The following ACSF3 variants were observed in gnomAD, a reference collection of about 807,000 sequenced individuals.
The protein encoded by ACSF3 is acyl-CoA synthetase family member 3, also known as malonate--CoA ligase ACSF3, mitochondrial.
A neutral mutation model predicts 53.2 loss-of-function variants in ACSF3; 78 were observed. That is an observed-to-expected ratio of 1.47 (90% confidence interval 1.22 to 1.77). The LOEUF (loss-of-function observed/expected upper bound fraction) is 1.77. Ranked by LOEUF, ACSF3 falls within the 40% of genes most tolerant of loss-of-function variation. ACSF3 has a pLI of 0.00. For missense variants in ACSF3, 937 were observed against 771.1 expected (o/e 1.22, Z -2.55); for synonymous variants, 414 against 333.1 (o/e 1.24, Z -2.65).
Position 89,100,731 on chromosome 16 carries a change from C to CT in ACSF3, c.50_51insT (p.Ser18ValfsTer44). On this transcript the variant is annotated frameshift_variant, in exon 3 of 11. Transcript: ENST00000614302. LOFTEE classifies it high-confidence loss of function. The stretch of plus-strand genomic sequence containing the variant: ...TTCCGGCGCCTGGGCTGCGCCTTGG[C>CT]GTCCTGCCGGCTGGCGCCTGCGAGA... 1.9e-6 allele frequency: 3 copies of CT among 1,604,012 alleles called. No individual in the cohort carries two copies. The highest frequency in any genetic ancestry group is 2.5e-6 in the Non-Finnish European group (3 of 1,179,592).
chr16:89,137,216 G>C (rs1328175640), intron 8 of ACSF3, among the ~76,000 whole-genome samples: 2 of 152,242 alleles, frequency 1.3e-5, no homozygotes, highest in African/African-American at 2.4e-5. Flanking sequence ...GAACTCCTTA[G>C]AGAAGAGCCA....
intron 2 of ACSF3, among the ~76,000 whole-genome samples, chr16:89,099,326 A>G (rs1197463737): frequency 1.3e-5 from 2 of 152,238 alleles, no homozygotes; most frequent in Non-Finnish European, 2.9e-5. Context: ...CTTTCTCTGA[A>G]TGAAGAATTC....
At position 89,101,115 on chromosome 16, in the gene ACSF3, T is replaced by G. The variant is rs1975264921; in HGVS notation, c.434T>G (p.Val145Gly). 1.4e-5 allele frequency: 22 copies of G among 1,613,990 alleles called. No individual in the cohort carries two copies. Among genetic ancestry groups the G allele is most frequent in the Non-Finnish European group, 1.7e-5 (20 of 1,180,010 alleles). The change falls in exon 3 of 11, where the codon GTG becomes GGG. Residue 145 changes from valine to glycine, a missense_variant. Coordinates refer to ENST00000614302, the MANE Select transcript of ACSF3 (RefSeq NM_001243279.3). ...GTCATCTGCGACTCCCAGAGCTCTG[T>G]GGTCCTTGCCAGCCAGGAGTACCTG... The part of the protein sequence containing the change: ...EYVICDSQSS[V>G]VLASQEYLEL...
chr16:89,115,370 C>A (rs913793647), intron 6 of ACSF3: 2 of 152,342 alleles, frequency 1.3e-5, no homozygotes, highest in African/African-American at 4.8e-5. Context: ...TGTTTCTCTT[C>A]TTGTGGTTTT....
chr16:89,112,531 T>C (rs1233599075), intron 5 of ACSF3, among the ~76,000 whole-genome samples: 2 of 151,930 alleles, frequency 1.3e-5, no homozygotes, highest in African/African-American at 4.8e-5. Context: ...CTGTCTCTCT[T>C]TGTCTCTCTC....
Position 89,112,212 on chromosome 16 carries a change from G to A in ACSF3, c.943G>A (p.Asp315Asn), listed in dbSNP as rs774006607. Residue 315 changes from aspartate to asparagine, a missense_variant, in exon 5 of 11, where the codon GAT (aspartate) becomes AAT (asparagine). Physicochemically the swap from Asp to Asn is conservative, Grantham distance 23. Coordinates refer to ENST00000614302, the MANE Select transcript of ACSF3 (RefSeq NM_001243279.3). ...DRHFTQPHAQ[D>N]FLRAVCEEKI... ...GCATTTTACCCAGCCGCACGCCCAG[G>A]ATTTCTTGCGTGCAGTTTGTGAAGA... 4.2e-5 allele frequency: 67 copies of A among 1,614,090 alleles called. No homozygotes were observed. The highest frequency in any genetic ancestry group is 5.6e-5 in the Non-Finnish European group (66 of 1,180,042).
At chr16:89,106,725 A>G (rs1976032692) in intron 4 of ACSF3, among the ~76,000 whole-genome samples, 1 of 152,212 alleles carries the variant, frequency 6.6e-6, no homozygotes, top group Non-Finnish European at 1.5e-5. Flanking sequence ...GCGTTATTGA[A>G]CTTTGGGATT....
intron 7 of ACSF3, among the ~76,000 whole-genome samples, chr16:89,131,105 CTTTCTTTTTCTT>C (rs1309197137): frequency 8.2e-6 from 1 of 121,654 alleles, no homozygotes; most frequent in Non-Finnish European, 1.8e-5. Flanking sequence ...TTTGCCCTTT[CTTTCTTTTTCTT>C]TTTCTTTTTC....
intron 4 of ACSF3, among the ~76,000 whole-genome samples, chr16:89,106,183 A>G (rs987335762): frequency 2.0e-5 from 3 of 152,254 alleles, no homozygotes; most frequent in Non-Finnish European, 4.4e-5. Context: ...AGACTGGCTC[A>G]TTAATGGACA....
chr16:89,101,964 G>A (rs572551905), intron 3 of ACSF3, among the ~76,000 whole-genome samples: 34 of 152,340 alleles, frequency 2.2e-4, no homozygotes, highest in Middle Eastern at 3.4e-3. Context: ...TGGAAGCGGC[G>A]CGCCTGTCGG....
chr16:89,109,241 A>G (rs1393360430), intron 4 of ACSF3, among the ~76,000 whole-genome samples: 2 of 149,108 alleles, frequency 1.3e-5, no homozygotes, highest in Non-Finnish European at 3.0e-5. Flanking sequence ...AAAAAAAAAA[A>G]AAAAAAAAAG....
intron 1 of ACSF3, among the ~76,000 whole-genome samples, chr16:89,096,708 C>G (rs1048074718): frequency 6.6e-6 from 1 of 152,202 alleles, no homozygotes; most frequent in Non-Finnish European, 1.5e-5. Context: ...CGAGTGAACA[C>G]AGCTGTAGGT....
chr16:89,153,720 T>G, intron 10 of ACSF3: 9 of 300,462 alleles, frequency 3.0e-5, no homozygotes, highest in Non-Finnish European at 4.6e-5. Context: ...GGCCACAGAG[T>G]GAAATGGGGC....
intron 6 of ACSF3, among the ~76,000 whole-genome samples, chr16:89,119,266 A>C (rs1906016500): frequency 6.6e-6 from 1 of 152,024 alleles, no homozygotes; most frequent in Non-Finnish European, 1.5e-5. Context: ...CCCCTACCCC[A>C]GCCGTGCCGT....
intron 5 of ACSF3, among the ~76,000 whole-genome samples, chr16:89,112,766 A>G (rs1322051972): frequency 6.6e-6 from 1 of 152,090 alleles, no homozygotes; most frequent in East Asian, 1.9e-4. Context: ...TGGCGTCTGA[A>G]GGACAAGGGT....
At chr16:89,096,067 C>T (rs1488133784) in intron 1 of ACSF3, among the ~76,000 whole-genome samples, 2 of 152,098 alleles carry the variant, frequency 1.3e-5, no homozygotes, top group Non-Finnish European at 2.9e-5. Context: ...CCTCCCTCCC[C>T]GAGGGCTGGA....
At chr16:89,137,223 G>GCC (rs1363371857) in intron 8 of ACSF3, among the ~76,000 whole-genome samples, 5 of 152,124 alleles carry the variant, frequency 3.3e-5, no homozygotes, top group African/African-American at 9.7e-5. Context: ...TTAGAGAAGA[G>GCC]CCAGGGATCC....
At chr16:89,122,851 C>G (rs778614583) in intron 7 of ACSF3, 2 of 152,334 alleles carry the variant, frequency 1.3e-5, no homozygotes, top group Non-Finnish European at 2.9e-5. Context: ...TTGGCTGCCG[C>G]GCCACCTGAT....
intron 7 of ACSF3, among the ~76,000 whole-genome samples, chr16:89,124,851 C>G (rs917483744): frequency 6.6e-6 from 1 of 152,206 alleles, no homozygotes; most frequent in South Asian, 2.1e-4. Flanking sequence ...TGCCACTTTG[C>G]CAAAGATTAA....
Sources: gnomAD v4.1 joint callset for allele counts (sites outside exome capture counted in the v4.1 genomes callset) on GRCh38, gnomAD v4.1.1 for gene constraint, MANE v1.5 for transcripts, NCBI Gene and HGNC (gene_info 2026-07-23, HGNC 2026-07-21) for gene names.